Variants in WDR83 observed in about 807,000 individuals in gnomAD.
WDR83 encodes the protein WD repeat domain-containing protein 83.
Under a neutral mutation model 37.7 loss-of-function variants are expected in WDR83, and 37 were observed. The ratio of observed to expected loss-of-function variants is 0.98; its 90% CI spans 0.76 to 1.29. WDR83 has a LOEUF of 1.29. Ranked by LOEUF, WDR83 falls within the 50% of genes most tolerant of loss-of-function variation. The pLI, the probability that WDR83 is intolerant of heterozygous loss-of-function variation, is 0.00. For synonymous variants in WDR83, 174 were observed against 181.1 expected (o/e 0.96, Z 0.31); for missense variants, 445 against 414.4 (o/e 1.07, Z -0.64).
At chr19:12,668,141 C>A in intron 1 of WDR83, 1 of 559,052 alleles carries the variant, frequency 1.8e-6, no homozygotes, top group South Asian at 2.1e-5. Context: ...GAAACATGGA[C>A]AGCATCTCCC....
At chr19:12,674,037 G>A (rs150848756) in intron 10 of WDR83, among the ~76,000 whole-genome samples, 4 of 152,310 alleles carry the variant, frequency 2.6e-5, no homozygotes, top group African/African-American at 9.6e-5. Context: ...GGGCATTCCA[G>A]GCAAAGGGAA....
In WDR83 at chr19:12,670,568, G is replaced by A. The variant is rs767634370; in HGVS notation, c.336G>A (p.Val112=). The stretch of plus-strand genomic sequence containing the variant: ...AGTGGCAATAACTTTCTCAGAAGGT[G>A]AACACGGTGCAGTTTAATGAAGAGG... ...VRKFRGHAGK[V]NTVQFNEEAT... is the part of the protein sequence containing the mutation. Residue 112 remains valine (V), a synonymous_variant, in exon 6 of 11, where the codon GTG becomes GTA. Transcript: ENST00000418543. 3.1e-6 allele frequency: 5 copies of A among 1,614,194 alleles called. No homozygotes were observed. The highest frequency in any genetic ancestry group is 1.3e-5 in the African/African-American group (1 of 75,048).
chr19:12,667,613 C>A (rs946546107), intron 1 of WDR83, among the ~76,000 whole-genome samples: 5 of 152,166 alleles, frequency 3.3e-5, no homozygotes, highest in Non-Finnish European at 7.3e-5. Context: ...AGATCAAGAT[C>A]ATGCCATTGC....
intron 8 of WDR83, 29 bp downstream of exon 8, chr19:12,672,943 C>A: frequency 6.3e-7 from 1 of 1,595,988 alleles, no homozygotes; most frequent in Non-Finnish European, 8.5e-7. Flanking sequence ...GTGGGACAGG[C>A]AGGGAAGATG....
In WDR83 at chr19:12,673,080, G is replaced by A. The variant is rs377575721; in HGVS notation, c.647G>A (p.Arg216Gln). Residue 216 changes from arginine to glutamine, a missense_variant, in exon 9 of 11, where the codon CGG becomes CAG. Arg to Gln is a conservative substitution (Grantham distance 43). Coordinates refer to ENST00000418543, the MANE Select transcript of WDR83 (RefSeq NM_001099737.3). ...TLVSSLDSTL[R>Q]LLDKDTGELL... The stretch of plus-strand genomic sequence containing the variant: ...GTGTCCAGCCTGGACTCCACATTGC[G>A]GCTCCTGGACAAAGACACAGGGGAG... 33 of 1,613,404 alleles carry A rather than the reference G, an allele frequency of 2.0e-5. No individual in the cohort carries two copies. The highest frequency in any genetic ancestry group is 8.9e-5 in the East Asian group (4 of 44,870).
chr19:12,673,227 T>C lies in WDR83; in HGVS notation c.709T>C (p.Tyr237His). 1.9e-6 allele frequency: 3 copies of C among 1,613,948 alleles called. No individual in the cohort carries two copies. Among genetic ancestry groups the C allele is most frequent in the Non-Finnish European group, 1.7e-6 (2 of 1,179,976 alleles). Reference sequence around the variant, plus strand: ...GTACAAGGGCCATAAGAACCAGGAATACAAGCTGGACTGCTGCCTGAGCGA... The same window carrying C: ...GTACAAGGGCCATAAGAACCAGGAACACAAGCTGGACTGCTGCCTGAGCGA... ...GEYKGHKNQEYKLDCCLSERD... is the reference protein window; with the variant it reads ...GEYKGHKNQEHKLDCCLSERD... The change falls in exon 10 of 11, where the codon TAC (tyrosine) becomes CAC (histidine). Residue 237 changes from tyrosine (Y) to histidine (H), a missense_variant. Coordinates refer to ENST00000418543, the MANE Select transcript of WDR83 (RefSeq NM_001099737.3).
In WDR83 at chr19:12,670,835, G is replaced by C; in HGVS notation, c.506+14G>C. The stretch of plus-strand genomic sequence containing the variant: ...GATCCTGGCAGGGTGAGTGGAGCCA[G>C]GACCTGGTCTCACCCCAGGTGCTAC... On this transcript the variant is annotated intron_variant, in intron 7 of 10. Transcript: ENST00000418543. The C allele has an allele frequency of 1.2e-6, 2 of 1,609,612 alleles. No homozygotes were observed. The highest frequency in any genetic ancestry group is 1.7e-6 in the Non-Finnish European group (2 of 1,178,242).
At chr19:12,672,731 C>A in intron 7 of WDR83, 116 bp from the exon 8 acceptor site, 1 of 1,104,904 alleles carries the variant, frequency 9.1e-7, no homozygotes, top group Non-Finnish European at 1.3e-6. Context: ...GCCAGAGCTT[C>A]AGAATTCCAC....
At position 12,675,452 on chromosome 19, in the gene WDR83, G is replaced by T. The variant is rs534315737; in HGVS notation, c.799-71G>T. On this transcript the variant is annotated intron_variant, in intron 10 of 10. Transcript: ENST00000418543. ...GCTTCAGGCAGGACTGAGATGGGGG[G>T]TGCCCAGGGACCTCAGAAACCAGGG... 34 of 1,556,530 alleles carry T rather than the reference G, an allele frequency of 2.2e-5. 1 individual carries two copies. In the South Asian group the frequency reaches 3.8e-4, roughly 17 times the overall value.
At position 12,670,768 on chromosome 19, in the gene WDR83, G is replaced by A. The variant is rs549440026; in HGVS notation, c.453G>A (p.Glu151=). 13 of 1,614,202 alleles carry A rather than the reference G, an allele frequency of 8.1e-6. No individual in the cohort carries two copies. Among genetic ancestry groups the A allele is most frequent in the Admixed American group, 6.7e-5 (4 of 60,020 alleles). The change falls in exon 7 of 11, where the codon GAG becomes GAA. Residue 151 remains glutamate, a synonymous_variant. Coordinates refer to ENST00000418543, the MANE Select transcript of WDR83 (RefSeq NM_001099737.3). ...CTGAGCCAGTGCAGACGCTGGATGA[G>A]GCCAGAGATGGCGTGTCCAGTGTGA... ...RRPEPVQTLD[E]ARDGVSSVKV...
At chr19:12,672,730 T>A in intron 7 of WDR83, 117 bp from the exon 8 acceptor site, 1 of 1,097,176 alleles carries the variant, frequency 9.1e-7, no homozygotes, top group Admixed American at 2.0e-5. Flanking sequence ...GGCCAGAGCT[T>A]CAGAATTCCA....
At chr19:12,674,117 G>A (rs2024500796) in intron 10 of WDR83, among the ~76,000 whole-genome samples, 1 of 152,220 alleles carries the variant, frequency 6.6e-6, no homozygotes, top group African/African-American at 2.4e-5. Flanking sequence ...GTGGCGGCAG[G>A]TGCGGCAAGA....
chr19:12,670,985 G>A (rs1035814538), intron 7 of WDR83, 164 bp downstream of exon 7: 2 of 1,059,582 alleles, frequency 1.9e-6, no homozygotes, highest in Non-Finnish European at 2.7e-6. Context: ...CCAAGAGTTC[G>A]AGGCACCATT....
intron 1 of WDR83, 119 bp from the exon 2 acceptor site, chr19:12,668,389 C>T: frequency 6.2e-7 from 1 of 1,613,582 alleles, no homozygotes; most frequent in South Asian, 1.1e-5. Flanking sequence ...GCTGAGGATT[C>T]TGCAGATAGG....
chr19:12,670,063 A>G lies in WDR83; in HGVS notation c.190A>G (p.Ser64Gly). Reference protein sequence around the residue: ...PLRGTLLRTYSGHGYEVLDAA... With the variant: ...PLRGTLLRTYGGHGYEVLDAA... ...TCGGGGGACGCTGCTGCGGACGTAC[A>G]GCGGCCACGGCTACGAGGTGCTGGA... The change falls in exon 4 of 11, where the codon AGC becomes GGC. Residue 64 changes from serine (S) to glycine (G), a missense_variant. Transcript: ENST00000418543. 6.2e-7 allele frequency: 1 copy of G among 1,612,848 alleles called. No individual in the cohort carries two copies. The highest frequency in any genetic ancestry group is 2.2e-5 in the East Asian group (1 of 44,838).
chr19:12,674,173 C>G (rs1323103757), intron 10 of WDR83, among the ~76,000 whole-genome samples: 1 of 152,240 alleles, frequency 6.6e-6, no homozygotes. Context: ...GCAACTGGCA[C>G]TGACCCCTGG....
At position 12,673,091 on chromosome 19, in the gene WDR83, A is replaced by G. The variant is rs547890510; in HGVS notation, c.658A>G (p.Lys220Glu). Residue 220 changes from lysine to glutamate, a missense_variant, in exon 9 of 11, where the codon AAA becomes GAA. Transcript: ENST00000418543. Reference sequence around the variant, plus strand: ...GGACTCCACATTGCGGCTCCTGGACAAAGACACAGGGGAGCTGCTGGGCGA... The same window carrying G: ...GGACTCCACATTGCGGCTCCTGGACGAAGACACAGGGGAGCTGCTGGGCGA... ...SLDSTLRLLDKDTGELLGEYK... is the reference protein window; with the variant it reads ...SLDSTLRLLDEDTGELLGEYK... The G allele has an allele frequency of 2.5e-6, 4 of 1,613,324 alleles. No homozygotes were observed. The highest frequency in any genetic ancestry group is 3.4e-6 in the Non-Finnish European group (4 of 1,179,428).
At chr19:12,669,687 G>A in intron 2 of WDR83, 68 bp from the exon 3 acceptor site, 3 of 1,249,192 alleles carry the variant, frequency 2.4e-6, no homozygotes, top group Non-Finnish European at 3.3e-6. Flanking sequence ...ACAGGAAGTA[G>A]GTCAGGAAGA....
chr19:12,670,116 TG>T lies in WDR83; in HGVS notation c.224+22del. On this transcript the variant is annotated intron_variant, in intron 4 of 10. Coordinates refer to ENST00000418543, the MANE Select transcript of WDR83 (RefSeq NM_001099737.3). ...CGGCCGGGTGAGCCGGGGACCAGGC[TG>T]GGATGGGAGCGCTGAGGCTGGGATC... is the stretch of plus-strand genomic sequence containing the variant. 1 of 1,608,264 alleles carries T rather than the reference TG, an allele frequency of 6.2e-7. No individual in the cohort carries two copies. Among genetic ancestry groups the T allele is most frequent in the Non-Finnish European group, 8.5e-7 (1 of 1,176,028 alleles).
Sources: allele counts gnomAD v4.1 joint callset (sites outside exome capture counted in the v4.1 genomes callset), GRCh38; gene constraint gnomAD v4.1.1; transcripts MANE v1.5; gene names NCBI Gene and HGNC (gene_info 2026-07-23, HGNC 2026-07-21).